The following BAHCC1 variants were observed in gnomAD, a reference collection of about 807,000 sequenced individuals.
BAHCC1 encodes BAH domain and coiled-coil containing 1, also known as BAH and coiled-coil domain-containing protein 1.
BAHCC1 carries 43 observed loss-of-function variants against 88.2 expected under a neutral mutation model. The observed-to-expected ratio is 0.49, with a 90% CI of 0.38 to 0.63. The LOEUF is 0.63. BAHCC1 is among the 20% of genes least tolerant of loss of function. The pLI is 0.00. For synonymous variants in BAHCC1, 1,510 were observed against 745.5 expected (o/e 2.03, Z -16.71); for missense variants, 3,023 against 1,654.8 (o/e 1.83, Z -14.34).
chr17:81,438,624 G>C, intron 4 of BAHCC1, 132 bp downstream of exon 4: 2 of 645,584 alleles, frequency 3.1e-6, no homozygotes, highest in Non-Finnish European at 2.8e-6. Flanking sequence ...AGGCCAGGGT[G>C]GGGGCTAGAG....
Position 81,444,371 on chromosome 17 carries a change from G to A in BAHCC1, c.2325-10G>A. On this transcript the variant is annotated splice_polypyrimidine_tract_variant and intron_variant, in intron 6 of 27. Transcript: ENST00000675386. ...GCGCCGGCGGCAGGGCTGAGCCCCA[G>A]GTCTTACAGGGACAGCAAAGACCGC... 1 of 730,448 alleles carries A rather than the reference G, an allele frequency of 1.4e-6. No individual in the cohort carries two copies. The highest frequency in any genetic ancestry group is 2.5e-6 in the Non-Finnish European group (1 of 394,722). 45.2% of individuals were successfully genotyped at this position (730,448 alleles called of 1,614,324 possible). A position where few individuals can be genotyped will look rare whatever the true frequency, so the allele number is the denominator to read the frequency against.
chr17:81,444,516 C>T lies in BAHCC1; in HGVS notation c.2460C>T (p.Pro820=), dbSNP rs1555653739. The change falls in exon 7 of 28, where the codon CCC becomes CCT. Residue 820 remains proline, a synonymous_variant. Coordinates refer to ENST00000675386, the MANE Select transcript of BAHCC1 (RefSeq NM_001377448.1). ...CCCCCCACACCCACCCCCATCCCCCCTGGCTGCCCCGCACCCGCAGCCCCT... is the reference window on the plus strand; with the variant it reads ...CCCCCCACACCCACCCCCATCCCCCTTGGCTGCCCCGCACCCGCAGCCCCT... The part of the protein sequence containing the change: ...DPAPHTHPHP[P]WLPRTRSPSL... The T allele has an allele frequency of 2.9e-6, 2 of 697,036 alleles. No individual in the cohort carries two copies. The highest frequency in any genetic ancestry group is 2.7e-5 in the East Asian group (1 of 37,564). 43.2% of individuals were successfully genotyped at this position (697,036 alleles called of 1,614,324 possible).
chr17:81,438,021 C>T (rs1555651972), intron 3 of BAHCC1, among the ~76,000 whole-genome samples: 1 of 152,240 alleles, frequency 6.6e-6, no homozygotes, highest in Non-Finnish European at 1.5e-5. Flanking sequence ...AGTCTGTCCA[C>T]CGTGCCCCCT....
chr17:81,449,100 C>T (rs537355219), intron 11 of BAHCC1, among the ~76,000 whole-genome samples: 104 of 152,290 alleles, frequency 6.8e-4, no homozygotes, highest in African/African-American at 2.4e-3. Flanking sequence ...GACAGGAGCC[C>T]GTTCACTGCA....
At chr17:81,408,189 C>T (rs151128191) in intron 2 of BAHCC1, among the ~76,000 whole-genome samples, 59 of 152,328 alleles carry the variant, frequency 3.9e-4, no homozygotes, top group African/African-American at 1.4e-3. Context: ...AGGACATTCC[C>T]GTCAAGATCA....
intron 3 of BAHCC1, among the ~76,000 whole-genome samples, chr17:81,428,546 A>G (rs1464318463): frequency 6.6e-6 from 1 of 152,080 alleles, no homozygotes; most frequent in African/African-American, 2.4e-5. Flanking sequence ...GCCCATCCCC[A>G]ATGCTCTCTG....
rs557626485 is a variant in BAHCC1, at chr17:81,444,700, C to T, written c.2545C>T (p.Pro849Ser). Residue 849 changes from proline (P) to serine (S), a missense_variant, in exon 8 of 28, where the codon CCC (proline) becomes TCC (serine). Pro to Ser is a moderately conservative substitution (Grantham distance 74). Transcript: ENST00000675386. ...LGHPALHQNL[P>S]PGFPASVAGP... is the part of the protein sequence containing the mutation. ...GCACCCTGCCCTGCACCAGAACCTG[C>T]CCCCCGGCTTCCCCGCCTCCGTGGC... 7 of 775,850 alleles carry T rather than the reference C, an allele frequency of 9.0e-6. No individual in the cohort carries two copies. Among genetic ancestry groups the T allele is most frequent in the Admixed American group, 6.8e-5 (4 of 58,906 alleles). 48.1% of individuals were successfully genotyped at this position (775,850 alleles called of 1,614,324 possible).
chr17:81,452,977 G>A, intron 14 of BAHCC1, 126 bp downstream of exon 14: 1 of 585,054 alleles, frequency 1.7e-6, no homozygotes, highest in Non-Finnish European at 3.0e-6. Flanking sequence ...CTACTCTGAA[G>A]GCCTGGCCCT....
chr17:81,443,737 C>T, intron 5 of BAHCC1, 72 bp from the exon 6 acceptor site: 1 of 691,792 alleles, frequency 1.4e-6, no homozygotes, highest in Non-Finnish European at 2.7e-6. Flanking sequence ...GAAGCGGGGT[C>T]ACTGCTTGCC....
chr17:81,443,641 T>G (rs1465867021), intron 5 of BAHCC1, 77 bp downstream of exon 5: 1 of 621,380 alleles, frequency 1.6e-6, no homozygotes, highest in Non-Finnish European at 2.9e-6. Context: ...GCGCCCCGGC[T>G]CCCCAGCTCC....
rs367840213 is a variant in BAHCC1 at position 81,398,614 on chromosome 17, CA to C, written c.-206-919del. Among the ~76,000 whole-genome samples, 398 of 150,218 alleles carry C rather than the reference CA, an allele frequency of 2.6e-3. 1 individual carries two copies. The highest frequency in any genetic ancestry group is 7.8e-3 in the African/African-American group (317 of 40,670). ...ATTCTGACTCTGAAAGCACCCCCCCCACACACACCCCCAAGCCCCCAATCCG... is the reference window on the plus strand; with the variant it reads ...ATTCTGACTCTGAAAGCACCCCCCCCCACACACCCCCAAGCCCCCAATCCG... On this transcript the variant is annotated intron_variant, in intron 1 of 27. Transcript: ENST00000675386.
rs2063958201 is a variant in BAHCC1 at position 81,411,793 on chromosome 17, C to T, written c.178+11876C>T. On this transcript the variant is annotated intron_variant, in intron 2 of 27. Coordinates refer to ENST00000675386, the MANE Select transcript of BAHCC1 (RefSeq NM_001377448.1). This position sits in a 1 kb window ranked among gnomAD's most constrained non-coding sequence, Gnocchi z 6.2. ...CTGGGTCTCTGGGCCTTTGCCTCTA[C>T]CCACACCTGCACGCCTCAGCAAGGT... Among the ~76,000 whole-genome samples the T allele has an allele frequency of 6.6e-6, 1 of 152,222 alleles. No homozygotes were observed. The highest frequency in any genetic ancestry group is 1.5e-5 in the Non-Finnish European group (1 of 68,046).
Position 81,461,080 on chromosome 17 carries a change from C to T in BAHCC1, c.6417C>T (p.Phe2139=). The change falls in exon 26 of 28, where the codon TTC becomes TTT. Residue 2139 remains phenylalanine (F), a synonymous_variant. Coordinates refer to ENST00000675386, the MANE Select transcript of BAHCC1 (RefSeq NM_001377448.1). The stretch of plus-strand genomic sequence containing the variant: ...AGCTGCGGGCCCGCGAGGCCCTGTT[C>T]CCCGTGCACAGCGTGGCCACACCCA... ...SKKLRAREAL[F]PVHSVATPIF... 1.3e-6 allele frequency: 1 copy of T among 769,604 alleles called. No homozygotes were observed. Among genetic ancestry groups the T allele is most frequent in the Non-Finnish European group, 2.4e-6 (1 of 416,928 alleles). The allele number at this position is 769,604 out of a possible 1,614,324, so 47.7% of individuals were successfully genotyped here.
At position 81,451,624 on chromosome 17, in the gene BAHCC1, T is replaced by C. The variant is rs533882122; in HGVS notation, c.3977-44T>C. Reference sequence around the variant, plus strand: ...GACATCAAGAGCCTGTGAGGGGCAGTGTGTGCCCAGTTATGCCCATGCTGA... The same window carrying C: ...GACATCAAGAGCCTGTGAGGGGCAGCGTGTGCCCAGTTATGCCCATGCTGA... On this transcript the variant is annotated intron_variant, in intron 11 of 27. Coordinates refer to ENST00000675386, the MANE Select transcript of BAHCC1 (RefSeq NM_001377448.1). 6.7e-4 allele frequency: 505 copies of C among 748,182 alleles called. 6 individuals are homozygous for C. The highest frequency in any genetic ancestry group is 6.7e-3 in the South Asian group (476 of 71,544). The allele number at this position is 748,182 out of a possible 1,614,324, so 46.3% of individuals were successfully genotyped here.
rs1303641242 is a variant in BAHCC1 at position 81,395,470 on chromosome 17, G to C, written c.-372G>C. ...CCGTGGCTCGCCGCGCCAGGCTGCA[G>C]GTTTGAGAGCCGCTCTGGATGGGCT... On this transcript the variant is annotated 5_prime_UTR_variant, in exon 1 of 28. Transcript: ENST00000675386. 6.6e-6 allele frequency: 1 copy of C among 152,256 alleles called. No individual in the cohort carries two copies. The highest frequency in any genetic ancestry group is 1.5e-5 in the Non-Finnish European group (1 of 68,050). The allele number at this position is 152,256 out of a possible 1,614,324, so 9.4% of individuals were successfully genotyped here.
At chr17:81,409,668 G>A (rs1395233906) in intron 2 of BAHCC1, among the ~76,000 whole-genome samples, 9 of 152,202 alleles carry the variant, frequency 5.9e-5, no homozygotes, top group Non-Finnish European at 1.0e-4. Context: ...CCCCGCCCAA[G>A]GGCCTGCTCC....
chr17:81,444,346 G>GCGC, intron 6 of BAHCC1, 35 bp from the exon 7 acceptor site: 1 of 713,048 alleles, frequency 1.4e-6, no homozygotes, highest in South Asian at 1.5e-5. Flanking sequence ...CTGGGCCTTG[G>GCGC]CGCCGGCGGC....
rs192376083 is a variant in BAHCC1, at chr17:81,460,041, G to A, written c.5906-236G>A. Among the ~76,000 whole-genome samples the A allele has an allele frequency of 1.5e-3, 222 of 152,310 alleles. 1 individual carries two copies. Among genetic ancestry groups the A allele is most frequent in the East Asian group, 7.0e-3 (36 of 5,166 alleles). ...GGGCACGTGGGCGTCAGCACGTGTGGGGAGGTCTGGTTCTGGGCTGGGTGG... is the reference window on the plus strand; with the variant it reads ...GGGCACGTGGGCGTCAGCACGTGTGAGGAGGTCTGGTTCTGGGCTGGGTGG... On this transcript the variant is annotated intron_variant, in intron 23 of 27. Transcript: ENST00000675386.
chr17:81,441,508 A>G (rs1315169525), intron 4 of BAHCC1, among the ~76,000 whole-genome samples: 1 of 152,004 alleles, frequency 6.6e-6, no homozygotes, highest in South Asian at 2.1e-4. Flanking sequence ...TAAAAATACA[A>G]AAAGTTAGCT....
Sources: gnomAD v4.1 joint callset for allele counts (sites outside exome capture counted in the v4.1 genomes callset) on GRCh38, gnomAD v4.1.1 for gene constraint, Gnocchi (gnomAD v3.1) non-coding constraint, MANE v1.5 for transcripts, NCBI Gene and HGNC (gene_info 2026-07-23, HGNC 2026-07-21) for gene names.